Variants in COCH observed in about 807,000 individuals in gnomAD.
The protein encoded by COCH is cochlin, also known as coagulation factor C homolog, cochlin (Limulus polyphemus).
In COCH, 40 loss-of-function variants were observed where a neutral mutation model predicts 54.8. The ratio of observed to expected loss-of-function variants is 0.73; its 90% confidence interval spans 0.57 to 0.95. COCH has a LOEUF of 0.95. COCH is among the 40% of genes least tolerant of loss of function. The pLI is 0.00. For synonymous variants in COCH, 256 were observed against 237.9 expected (o/e 1.08, Z -0.70); for missense variants, 605 against 675.0 (o/e 0.90, Z 1.15).
At chr14:30,887,996 A>G (rs1056202643) in intron 11 of COCH, among the ~76,000 whole-genome samples, 1 of 152,220 alleles carries the variant, frequency 6.6e-6, no homozygotes, top group African/African-American at 2.4e-5. Context: ...TTGATTCGTG[A>G]AAATTATCCC....
chr14:30,878,335 C>A (rs975785756), intron 4 of COCH, among the ~76,000 whole-genome samples: 3 of 152,108 alleles, frequency 2.0e-5, no homozygotes, highest in African/African-American at 7.2e-5. Flanking sequence ...TTTTTCCAGG[C>A]AAATTTTGTT....
chr14:30,880,388 A>G lies in COCH; in HGVS notation c.437-64A>G, dbSNP rs28400037. 3.1e-3 allele frequency: 4,986 copies of G among 1,600,298 alleles called. 156 individuals carry two copies. In the African/African-American group the frequency reaches 0.059, roughly 19 times the overall value. On this transcript the variant is annotated intron_variant, in intron 6 of 11. Transcript: ENST00000396618. ...ACTCTGTTGTTATGAGCTTCTCCCC[A>G]TGTGGGTTTCTTGCTATGTAACTGT...
chr14:30,880,924 T>C (rs566243779), intron 8 of COCH, among the ~76,000 whole-genome samples, 190 bp downstream of exon 8: 72 of 152,130 alleles, frequency 4.7e-4, no homozygotes, highest in African/African-American at 1.5e-3. Flanking sequence ...ACATTCAAAA[T>C]CAAATGAGGC....
rs769102282 is a variant in COCH at position 30,885,804 on chromosome 14, T to C, written c.969T>C (p.Cys323=). 6.2e-7 allele frequency: 1 copy of C among 1,614,058 alleles called. No homozygotes were observed. The highest frequency in any genetic ancestry group is 1.7e-5 in the Admixed American group (1 of 60,026). ...QDVTFVDKAV[C]RNNGFFSYHM... is the part of the protein sequence containing the mutation. ...TGTGTCTCCCCCATTAGGCTGTCTG[T>C]CGGAATAATGGCTTCTTCTCTTACC... Residue 323 remains cysteine (C), a synonymous_variant, in exon 11 of 12, where the codon TGT becomes TGC. Coordinates refer to ENST00000396618, the MANE Select transcript of COCH (RefSeq NM_004086.3).
At chr14:30,888,685 A>T (rs1426004503) in intron 11 of COCH, among the ~76,000 whole-genome samples, 1 of 150,830 alleles carries the variant, frequency 6.6e-6, no homozygotes, top group Non-Finnish European at 1.5e-5. Context: ...CTATTTGAGG[A>T]TGGGGGTGCT....
Position 30,877,536 on chromosome 14 carries a change from T to C in COCH, c.83-36T>C, listed in dbSNP as rs1895406354. ...CCCACCACTATGCCCCAAGAAGTCC[T>C]AAGAATGCTTACAATATTATCTCCT... On this transcript the variant is annotated intron_variant, in intron 3 of 11. Coordinates refer to ENST00000396618, the MANE Select transcript of COCH (RefSeq NM_004086.3). This position sits in a 1 kb window ranked among gnomAD's most constrained non-coding sequence, Gnocchi z 8.6. The C allele has an allele frequency of 6.2e-7, 1 of 1,612,322 alleles. No individual in the cohort carries two copies. Among genetic ancestry groups the C allele is most frequent in the Non-Finnish European group, 8.5e-7 (1 of 1,179,896 alleles).
chr14:30,888,270 GAGTC>G (rs1895859858), intron 11 of COCH, among the ~76,000 whole-genome samples: 1 of 151,520 alleles, frequency 6.6e-6, no homozygotes, highest in Admixed American at 6.6e-5. Flanking sequence ...CAGGGAGTGA[GAGTC>G]AGGAAAAGGA....
At chr14:30,882,119 G>GTTTTTTTTTTTTTTTTTTT (rs1566410309) in intron 8 of COCH, among the ~76,000 whole-genome samples, 2 of 84,874 alleles carry the variant, frequency 2.4e-5, no homozygotes, top group Admixed American at 2.2e-4. Context: ...ACTATAAAAT[G>GTTTTTTTTTTTTTTTTTTT]GTTTTTTTTT....
chr14:30,890,348 AGT>A lies in COCH; in HGVS notation c.*562_*563del, dbSNP rs1468173133. On this transcript the variant is annotated 3_prime_UTR_variant, in exon 12 of 12. Transcript: ENST00000396618. ...GAGACCTGTATCAAACTGCTTTTGT[AGT>A]GTGTTTTCATAACAACTTATGACTA... 2.0e-6 allele frequency: 2 copies of A among 985,428 alleles called. No homozygotes were observed. The highest frequency in any genetic ancestry group is 1.7e-5 in the African/African-American group (1 of 57,252). The allele number at this position is 985,428 out of a possible 1,614,324, so 61.0% of individuals were successfully genotyped here. A position where few individuals can be genotyped will look rare whatever the true frequency, so the allele number is the denominator to read the frequency against.
At chr14:30,890,867 C>T (rs1895959112), downstream of COCH, among the ~76,000 whole-genome samples, 1 of 151,726 alleles carries the variant, frequency 6.6e-6, no homozygotes, top group African/African-American at 2.4e-5. Flanking sequence ...GTGAGAACCC[C>T]CTCTACAAAA....
Position 30,874,758 on chromosome 14 carries a change from C to A in COCH, c.-23-158C>A, listed in dbSNP as rs1285328510. 32 of 695,078 alleles carry A rather than the reference C, an allele frequency of 4.6e-5. No homozygotes were observed. The South Asian group carries it at 5.5e-4, about 12-fold the overall frequency. The allele number at this position is 695,078 out of a possible 1,614,324, so 43.1% of individuals were successfully genotyped here. ...TTCGCTCGATTTGCCGCCGAGGCGC[C>A]TCCCAGACCTAGAGGGGCGCTGGCC... is the stretch of plus-strand genomic sequence containing the variant. On this transcript the variant is annotated intron_variant, in intron 1 of 11. Coordinates refer to ENST00000396618, the MANE Select transcript of COCH (RefSeq NM_004086.3).
intron 11 of COCH, among the ~76,000 whole-genome samples, chr14:30,886,759 G>C (rs1895804086): frequency 6.6e-6 from 1 of 152,194 alleles, no homozygotes; most frequent in Non-Finnish European, 1.5e-5. Flanking sequence ...TAATTGCTCT[G>C]TCACCAGGCT....
intron 9 of COCH, chr14:30,884,901 A>G: frequency 6.3e-7 from 1 of 1,591,276 alleles, no homozygotes; most frequent in South Asian, 1.1e-5. Context: ...CATACATTGG[A>G]TTGACTAGAT....
At chr14:30,891,601 A>T (rs1895983842), downstream of COCH, among the ~76,000 whole-genome samples, 1 of 152,210 alleles carries the variant, frequency 6.6e-6, no homozygotes, top group African/African-American at 2.4e-5. Flanking sequence ...TTAATTAAAC[A>T]TCATAAAAAC....
chr14:30,885,744 A>C (rs1045135091), intron 10 of COCH, 52 bp from the exon 11 acceptor site: 1 of 1,606,838 alleles, frequency 6.2e-7, no homozygotes, highest in Non-Finnish European at 8.5e-7. Flanking sequence ...AGTTTTTAAG[A>C]AGAAACAACT....
chr14:30,879,053 ACTAAAG>A (rs1487853812), intron 5 of COCH, 109 bp downstream of exon 5: 2 of 1,466,632 alleles, frequency 1.4e-6, no homozygotes, highest in Non-Finnish European at 1.9e-6. Flanking sequence ...TGTGATCAAG[ACTAAAG>A]CTGACCTATA....
At chr14:30,889,290 T>C in intron 11 of COCH, 3 of 310,030 alleles carry the variant, frequency 9.7e-6, no homozygotes, top group South Asian at 9.5e-5. Context: ...GTGGATCAGG[T>C]TAAAAGTCTT....
intron 8 of COCH, among the ~76,000 whole-genome samples, chr14:30,881,516 T>C (rs2138855766): frequency 6.6e-6 from 1 of 152,380 alleles, no homozygotes; most frequent in East Asian, 1.9e-4. Context: ...TTATCTACTC[T>C]GCTCAATTCC....
downstream of COCH, chr14:30,895,504 T>C (rs777972785): frequency 6.2e-7 from 1 of 1,614,178 alleles, no homozygotes; most frequent in Non-Finnish European, 8.5e-7. Context: ...ATTCATCCAA[T>C]TTCTTTCTGT....
Sources: gnomAD v4.1 joint callset for allele counts (sites outside exome capture counted in the v4.1 genomes callset) on GRCh38, gnomAD v4.1.1 for gene constraint, Gnocchi (gnomAD v3.1) non-coding constraint, MANE v1.5 for transcripts, NCBI Gene and HGNC (gene_info 2026-07-23, HGNC 2026-07-21) for gene names.